Variants in CDKAL1 observed in about 807,000 individuals in gnomAD.
CDKAL1 encodes the protein threonylcarbamoyladenosine tRNA methylthiotransferase.
CDKAL1 carries 32 observed loss-of-function variants against 68.2 expected under a neutral mutation model. That is an observed-to-expected ratio of 0.47 (90% CI 0.35 to 0.63). The LOEUF (loss-of-function observed/expected upper bound fraction) is 0.63, where lower values mean the gene tolerates loss of function less well. Among genes scored for constraint, CDKAL1 ranks in the 30% least tolerant of loss-of-function variants. The pLI, the probability that CDKAL1 is intolerant of heterozygous loss-of-function variation, is 0.00. For synonymous variants in CDKAL1, 234 were observed against 244.3 expected, an observed-to-expected ratio of 0.96 and a Z score of 0.39; for missense variants, 606 against 696.7, an observed-to-expected ratio of 0.87 and a Z score of 1.47.
intron 9 of CDKAL1, among the ~76,000 whole-genome samples, chr6:20,915,759 T>TA (rs1418600522): frequency 1.3e-5 from 2 of 152,204 alleles, no homozygotes; most frequent in Admixed American, 1.3e-4. Flanking sequence ...TGAATGTTCA[T>TA]AGCAGCTTTA....
At chr6:20,939,550 G>T (rs1301049770) in intron 9 of CDKAL1, among the ~76,000 whole-genome samples, 1 of 152,106 alleles carries the variant, frequency 6.6e-6, no homozygotes, top group Non-Finnish European at 1.5e-5. Context: ...ACTTAACCAG[G>T]GCACTTATGA....
intron 8 of CDKAL1, among the ~76,000 whole-genome samples, chr6:20,823,927 G>A (rs1027448226): frequency 6.6e-6 from 1 of 152,046 alleles, no homozygotes; most frequent in Non-Finnish European, 1.5e-5. Context: ...AAGATACTTC[G>A]TGGCAAAGTT....
At chr6:20,586,192 G>T (rs1249381235) in intron 4 of CDKAL1, among the ~76,000 whole-genome samples, 1 of 152,142 alleles carries the variant, frequency 6.6e-6, no homozygotes, top group Non-Finnish European at 1.5e-5. Context: ...ATCTTGCCTG[G>T]ATTATAATAG....
At chr6:20,653,410 T>G (rs1581901173) in intron 5 of CDKAL1, among the ~76,000 whole-genome samples, 1 of 152,330 alleles carries the variant, frequency 6.6e-6, no homozygotes, top group East Asian at 1.9e-4. Flanking sequence ...TTTGCAAGTC[T>G]GTTGGTGATG....
At chr6:20,541,587 A>G (rs1260865173) in intron 2 of CDKAL1, among the ~76,000 whole-genome samples, 1 of 152,138 alleles carries the variant, frequency 6.6e-6, no homozygotes, top group Admixed American at 6.6e-5. Flanking sequence ...TGTGGCCAGG[A>G]GGATGAGTTA....
chr6:20,750,951 GAAAAAAAAAAAAA>G (rs59244637), intron 6 of CDKAL1, among the ~76,000 whole-genome samples: 9 of 47,082 alleles, frequency 1.9e-4, no homozygotes, highest in African/African-American at 3.9e-4. Flanking sequence ...GCAACAGAGT[GAAAAAAAAAAAAA>G]AAAAAAAAAA....
intron 6 of CDKAL1, among the ~76,000 whole-genome samples, chr6:20,744,995 C>A (rs1465205434): frequency 6.6e-6 from 1 of 152,176 alleles, no homozygotes; most frequent in Non-Finnish European, 1.5e-5. Context: ...ACGGAATATA[C>A]AATTTGATAT....
At chr6:20,582,843 C>G (rs917238803) in intron 4 of CDKAL1, among the ~76,000 whole-genome samples, 2 of 152,134 alleles carry the variant, frequency 1.3e-5, no homozygotes, top group African/African-American at 2.4e-5. Context: ...TAAATCTCAT[C>G]GCAGCTTTTA....
At chr6:20,787,801 T>C (rs924616841) in intron 8 of CDKAL1, among the ~76,000 whole-genome samples, 3 of 152,184 alleles carry the variant, frequency 2.0e-5, no homozygotes, top group Non-Finnish European at 4.4e-5. Flanking sequence ...AGTACACAAA[T>C]AGAGACTTTT....
intron 5 of CDKAL1, among the ~76,000 whole-genome samples, chr6:20,736,797 T>C (rs1198323790): frequency 2.0e-5 from 3 of 151,714 alleles, no homozygotes; most frequent in Admixed American, 2.0e-4. Flanking sequence ...TTCCTCCACA[T>C]GCGTTCTGGT....
At chr6:20,889,514 G>T (rs1484747990) in intron 9 of CDKAL1, among the ~76,000 whole-genome samples, 18 of 152,074 alleles carry the variant, frequency 1.2e-4, no homozygotes, top group Admixed American at 2.6e-4. Flanking sequence ...GGTCTAACAT[G>T]TAAGTCTTTA....
At chr6:21,104,156 CCCCA>C (rs1231482387) in intron 12 of CDKAL1, among the ~76,000 whole-genome samples, 1 of 152,172 alleles carries the variant, frequency 6.6e-6, no homozygotes, top group Admixed American at 6.5e-5. Context: ...GCTCTGAAAG[CCCCA>C]TATCTATTTC....
rs950464626 is a variant in CDKAL1, at chr6:20,791,988, A to G, written c.638+10723A>G. On this transcript the variant is annotated intron_variant, in intron 8 of 15. Coordinates refer to ENST00000274695, the MANE Select transcript of CDKAL1 (RefSeq NM_017774.3). Reference sequence around the variant, plus strand: ...TCCAGCCCTATCAAGAGAGAGAAAAAAAAAAACCCTGAAACTTGTGTAGCC... The same window carrying G: ...TCCAGCCCTATCAAGAGAGAGAAAAGAAAAAACCCTGAAACTTGTGTAGCC... Among the ~76,000 whole-genome samples the G allele has an allele frequency of 3.9e-5, 6 of 152,172 alleles. No homozygotes were observed. In the East Asian group the frequency reaches 1.2e-3, roughly 29 times the overall value.
At position 20,899,662 on chromosome 6, in the gene CDKAL1, G is replaced by C. The variant is rs111783727; in HGVS notation, c.742+53484G>C. 1.8e-3 allele frequency among the ~76,000 whole-genome samples: 270 copies of C among 152,178 alleles called. 2 individuals are homozygous for C. Among genetic ancestry groups the C allele is most frequent in the African/African-American group, 6.0e-3 (250 of 41,530 alleles). ...GTTCGAGACCAGCCTGGCCAACATG[G>C]TGAAAAACCATTTCTACTGAAAAAT... On this transcript the variant is annotated intron_variant, in intron 9 of 15. Coordinates refer to ENST00000274695, the MANE Select transcript of CDKAL1 (RefSeq NM_017774.3).
intron 9 of CDKAL1, among the ~76,000 whole-genome samples, chr6:20,952,968 G>C (rs1428206733): frequency 6.6e-6 from 1 of 152,134 alleles, no homozygotes; most frequent in Non-Finnish European, 1.5e-5. Context: ...ACTTTCTCAC[G>C]TTGACTAAGA....
intron 11 of CDKAL1, among the ~76,000 whole-genome samples, chr6:21,056,433 T>C (rs761533636): frequency 2.0e-5 from 3 of 152,166 alleles, no homozygotes; most frequent in Non-Finnish European, 4.4e-5. Context: ...GCTGAGACGA[T>C]GGGGTTTTCT....
Position 20,691,785 on chromosome 6 carries a change from A to T in CDKAL1, c.371+42408A>T, listed in dbSNP as rs113495769. 3.1e-3 allele frequency among the ~76,000 whole-genome samples: 465 copies of T among 152,310 alleles called. 6 individuals carry two copies. The highest frequency in any genetic ancestry group is 0.011 in the African/African-American group (437 of 41,572). ...TAGTTGTCTCCATAGTGGGATGTAC[A>T]TATCCCTAGGCTAGATTTGGAGTTG... On this transcript the variant is annotated intron_variant, in intron 5 of 15. Transcript: ENST00000274695.
intron 15 of CDKAL1, among the ~76,000 whole-genome samples, chr6:21,214,125 C>A (rs1299135026): frequency 6.6e-6 from 1 of 152,058 alleles, no homozygotes; most frequent in African/African-American, 2.4e-5. Flanking sequence ...TGAGAATAGG[C>A]AAATTCATAG....
chr6:20,835,523 TTTGTC>T (rs1042874094), intron 8 of CDKAL1, among the ~76,000 whole-genome samples: 3 of 145,128 alleles, frequency 2.1e-5, no homozygotes, highest in Admixed American at 6.8e-5. Flanking sequence ...TGTCTTGTCT[TTTGTC>T]TTGTCTTGTC....
Sources: allele counts gnomAD v4.1 joint callset (sites outside exome capture counted in the v4.1 genomes callset), GRCh38; gene constraint gnomAD v4.1.1; transcripts MANE v1.5; gene names NCBI Gene and HGNC (gene_info 2026-07-23, HGNC 2026-07-21).